GPC6: variants seen among roughly 807,000 people sequenced by gnomAD.
The protein encoded by GPC6 is glypican 6.
Under a neutral mutation model 55.2 loss-of-function variants are expected in GPC6, and 14 were observed. That is an observed-to-expected ratio of 0.25 (90% CI 0.17 to 0.40). GPC6 has a LOEUF of 0.40. GPC6 is among the 10% of genes least tolerant of loss of function. The pLI is 1.00. For missense variants in GPC6, 641 were observed against 708.5 expected (o/e 0.90, Z 1.08); for synonymous variants, 278 against 259.6 (o/e 1.07, Z -0.68).
intron 2 of GPC6, among the ~76,000 whole-genome samples, chr13:93,720,006 C>T (rs902642757): frequency 4.6e-5 from 7 of 151,730 alleles, no homozygotes; most frequent in Non-Finnish European, 1.0e-4. Flanking sequence ...TGAGAATTTT[C>T]GTATTGATGT....
intron 2 of GPC6, among the ~76,000 whole-genome samples, chr13:93,819,258 A>G (rs988471012): frequency 1.3e-5 from 2 of 152,144 alleles, no homozygotes; most frequent in African/African-American, 4.8e-5. Flanking sequence ...TTGGGTCCAC[A>G]TCCCAGATTT....
intron 3 of GPC6, among the ~76,000 whole-genome samples, chr13:93,835,372 T>C (rs1000393796): frequency 6.6e-6 from 1 of 152,140 alleles, no homozygotes; most frequent in African/African-American, 2.4e-5. Context: ...GGAGAGTGGC[T>C]TGAGCCCAGG....
chr13:94,349,910 G>A (rs1455305897), intron 6 of GPC6, among the ~76,000 whole-genome samples: 3 of 152,020 alleles, frequency 2.0e-5, no homozygotes, highest in African/African-American at 7.3e-5. Context: ...AGTCGGTGAC[G>A]AACAAAATTT....
chr13:93,647,968 G>A (rs928792161), intron 2 of GPC6, among the ~76,000 whole-genome samples: 2 of 152,076 alleles, frequency 1.3e-5, no homozygotes, highest in African/African-American at 4.8e-5. Context: ...CCTAAACACG[G>A]GAGTGTTTGC....
At chr13:93,823,875 A>G (rs1887140473) in intron 2 of GPC6, among the ~76,000 whole-genome samples, 1 of 152,194 alleles carries the variant, frequency 6.6e-6, no homozygotes, top group South Asian at 2.1e-4. Flanking sequence ...AATACTTATA[A>G]TAAACTTAAT....
At chr13:93,648,153 A>G (rs931271708) in intron 2 of GPC6, among the ~76,000 whole-genome samples, 1 of 152,106 alleles carries the variant, frequency 6.6e-6, no homozygotes, top group South Asian at 2.1e-4. Flanking sequence ...CCTTTCTACA[A>G]GAGCTCCTGC....
intron 1 of GPC6, among the ~76,000 whole-genome samples, chr13:93,352,398 G>A (rs548947378): frequency 1.3e-5 from 2 of 152,152 alleles, no homozygotes; most frequent in South Asian, 4.2e-4. Context: ...TTAGATTATG[G>A]TAGTTTATAA....
intron 4 of GPC6, among the ~76,000 whole-genome samples, chr13:94,259,061 T>G (rs1452389206): frequency 6.6e-6 from 1 of 151,256 alleles, no homozygotes; most frequent in Non-Finnish European, 1.5e-5. Context: ...CCTAGCACAC[T>G]GGAAACCTTC....
chr13:93,507,467 A>C (rs1251705538), intron 1 of GPC6, among the ~76,000 whole-genome samples: 1 of 152,110 alleles, frequency 6.6e-6, no homozygotes, highest in Non-Finnish European at 1.5e-5. Context: ...TTATTACACA[A>C]CACATTTAAA....
At chr13:93,882,345 C>T (rs960295512) in intron 3 of GPC6, among the ~76,000 whole-genome samples, 1 of 151,884 alleles carries the variant, frequency 6.6e-6, no homozygotes. Flanking sequence ...CAGGGTTTCT[C>T]CATGTTGCCC....
intron 1 of GPC6, among the ~76,000 whole-genome samples, chr13:93,261,266 T>C (rs1487167613): frequency 1.3e-5 from 2 of 152,268 alleles, no homozygotes; most frequent in East Asian, 1.9e-4. Flanking sequence ...TGGTCTTTTA[T>C]GGTAGGAAAC....
Position 94,078,536 on chromosome 13 carries a change from A to C in GPC6, c.877+50642A>C, listed in dbSNP as rs1233837516. Among the ~76,000 whole-genome samples, 5 of 151,934 alleles carry C rather than the reference A, an allele frequency of 3.3e-5. No homozygotes were observed. In the East Asian group the frequency reaches 9.6e-4, roughly 29 times the overall value. ...TAAGATAAAAAGAGAGAAGCAGCAA[A>C]TAAAATTAAAAATGAAAGAAGAGAC... On this transcript the variant is annotated intron_variant, in intron 4 of 8. Coordinates refer to ENST00000377047, the MANE Select transcript of GPC6 (RefSeq NM_005708.5).
intron 3 of GPC6, among the ~76,000 whole-genome samples, chr13:93,916,374 G>C (rs1206344866): frequency 6.6e-6 from 1 of 152,048 alleles, no homozygotes; most frequent in Non-Finnish European, 1.5e-5. Flanking sequence ...GGTAGTAGTG[G>C]CCACCTTTTT....
chr13:93,772,103 A>G (rs1046058212), intron 2 of GPC6, among the ~76,000 whole-genome samples: 1 of 152,226 alleles, frequency 6.6e-6, no homozygotes, highest in Non-Finnish European at 1.5e-5. Flanking sequence ...TTTATGTAGT[A>G]TAGGCTCAGT....
intron 2 of GPC6, among the ~76,000 whole-genome samples, chr13:93,763,913 A>G (rs1024345468): frequency 3.9e-5 from 6 of 151,970 alleles, no homozygotes; most frequent in African/African-American, 1.2e-4. Context: ...CACATATTCT[A>G]TGTGGCTTTC....
chr13:94,156,203 C>G (rs758020465), intron 4 of GPC6, among the ~76,000 whole-genome samples: 4 of 151,992 alleles, frequency 2.6e-5, no homozygotes, highest in African/African-American at 9.7e-5. Context: ...TAAGGAGAAA[C>G]CTGGCAAGTC....
chr13:93,796,922 T>TC (rs1490044143), intron 2 of GPC6, among the ~76,000 whole-genome samples: 1 of 152,260 alleles, frequency 6.6e-6, no homozygotes, highest in Non-Finnish European at 1.5e-5. Context: ...TTCATCCGTT[T>TC]CTGGTATCAA....
intron 1 of GPC6, among the ~76,000 whole-genome samples, chr13:93,290,103 C>A (rs959694080): frequency 1.3e-5 from 2 of 152,014 alleles, no homozygotes; most frequent in Non-Finnish European, 2.9e-5. Flanking sequence ...GTTAATGTAA[C>A]GAGACTCTTG....
intron 2 of GPC6, among the ~76,000 whole-genome samples, chr13:93,741,351 G>C (rs1202295873): frequency 1.3e-5 from 2 of 151,966 alleles, no homozygotes; most frequent in East Asian, 1.9e-4. Context: ...TCCTGACCTC[G>C]TGATCCACCC....
Sources: allele counts gnomAD v4.1 joint callset (sites outside exome capture counted in the v4.1 genomes callset), GRCh38; gene constraint gnomAD v4.1.1; transcripts MANE v1.5; gene names NCBI Gene and HGNC (gene_info 2026-07-23, HGNC 2026-07-21).